The following LAMA4 variants were observed in gnomAD, a reference collection of about 807,000 sequenced individuals.
LAMA4 encodes laminin subunit alpha 4.
In LAMA4, 127 loss-of-function variants were observed where a neutral mutation model predicts 207.1. That is an observed-to-expected ratio of 0.61 (90% CI 0.53 to 0.71). LAMA4 has a LOEUF of 0.71. LAMA4 is among the 30% of genes least tolerant of loss of function. The pLI, the probability that LAMA4 is intolerant of heterozygous loss-of-function variation, is 0.00. For missense variants in LAMA4, 2,093 were observed against 2,246.5 expected, an observed-to-expected ratio of 0.93 and a Z score of 1.38; for synonymous variants, 761 against 816.0, an observed-to-expected ratio of 0.93 and a Z score of 1.15.
chr6:112,175,642 C>A (rs1363880864), intron 10 of LAMA4, among the ~76,000 whole-genome samples, 162 bp from the exon 11 acceptor site: 1 of 152,186 alleles, frequency 6.6e-6, no homozygotes, highest in Non-Finnish European at 1.5e-5. Context: ...TGAATCCCAG[C>A]GAGCATGGAA....
At chr6:112,170,149 C>T (rs374146787) in intron 12 of LAMA4, among the ~76,000 whole-genome samples, 2 of 152,212 alleles carry the variant, frequency 1.3e-5, no homozygotes, top group South Asian at 2.1e-4. Context: ...TGGCTGAGAT[C>T]GAGAACTCAC....
rs1312623015 is a variant in LAMA4, at chr6:112,201,602, G to C, written c.503+6C>G. 2 of 1,610,292 alleles carry C rather than the reference G, an allele frequency of 1.2e-6. No homozygotes were observed. Among genetic ancestry groups the C allele is most frequent in the East Asian group, 2.2e-5 (1 of 44,868 alleles). On this transcript the variant is annotated splice_donor_region_variant and intron_variant, in intron 5 of 38. Transcript: ENST00000230538. ...ACACAGAAAATAGAGAATTTTATTG[G>C]CTTACCTTTCACAGTTAGGTCCAGC...
intron 3 of LAMA4, among the ~76,000 whole-genome samples, chr6:112,210,141 G>GC (rs1784283862): frequency 6.6e-6 from 1 of 151,754 alleles, no homozygotes; most frequent in Non-Finnish European, 1.5e-5. Flanking sequence ...AGCCTGTACA[G>GC]CCCACAGAAG....
At chr6:112,111,666 C>CTTA (rs1161024696) in intron 38 of LAMA4, among the ~76,000 whole-genome samples, 1 of 152,202 alleles carries the variant, frequency 6.6e-6, no homozygotes, top group Non-Finnish European at 1.5e-5. Flanking sequence ...TGGCATAATT[C>CTTA]TTAGATGGAC....
At chr6:112,120,529 T>G in intron 32 of LAMA4, 57 bp from the exon 33 acceptor site, 9 of 1,322,462 alleles carry the variant, frequency 6.8e-6, no homozygotes, top group African/African-American at 1.5e-5. Context: ...GGATAATCTC[T>G]AACTTCTTAA....
Position 112,191,761 on chromosome 6 carries a change from A to G in LAMA4, c.593T>C (p.Ile198Thr), listed in dbSNP as rs1554349151. 1 of 1,614,128 alleles carries G rather than the reference A, an allele frequency of 6.2e-7. No homozygotes were observed. Residue 198 changes from isoleucine to threonine, a missense_variant, in exon 6 of 39, where the codon ATC becomes ACC. Around this residue, in one of 3 missense-constraint regions of LAMA4, gnomAD observed 1,704 missense variants for 1,788.4 expected, o/e 0.95. Coordinates refer to ENST00000230538, the MANE Select transcript of LAMA4 (RefSeq NM_001105206.3). Reference protein sequence around the residue: ...DCSGNSDPNLIFEDCDEVTGQ... With the variant: ...DCSGNSDPNLTFEDCDEVTGQ... ...AGTGACTTCATCACAATCTTCAAAG[A>G]TCAGGTTGGGATCTGAATTTCCACT...
intron 13 of LAMA4, 133 bp downstream of exon 13, chr6:112,165,026 TA>T: frequency 1.3e-6 from 1 of 742,752 alleles, no homozygotes. Context: ...TGCAAGAAAC[TA>T]AAACATTCAG....
intron 12 of LAMA4, chr6:112,171,587 C>A (rs1262628394): frequency 6.5e-6 from 1 of 152,804 alleles, no homozygotes; most frequent in Non-Finnish European, 1.5e-5. Flanking sequence ...AAGGGGGACA[C>A]TTCAAGGGTA....
rs11393305 is a variant in LAMA4, at chr6:112,190,938, T to TCCTTTC, written c.718+697_718+698insGAAAGG. On this transcript the variant is annotated intron_variant, in intron 6 of 38. Transcript: ENST00000230538. ...TTCTTTCTTTCTTTCTTTCTTTCTTTCTTTCTTTCCTTTCTTTCTTTCTTT... is the reference window on the plus strand; with the variant it reads ...TTCTTTCTTTCTTTCTTTCTTTCTTTCCTTTCCTTTCTTTCCTTTCTTTCTTTCTTT... Among the ~76,000 whole-genome samples, 14 of 59,958 alleles carry TCCTTTC rather than the reference T, an allele frequency of 2.3e-4. 1 individual carries two copies. In the South Asian group the frequency reaches 6.5e-3, roughly 28 times the overall value. 39.3% of individuals were successfully genotyped at this position (59,958 alleles called of 152,430 possible).
At chr6:112,220,859 A>T (rs991533953) in intron 2 of LAMA4, among the ~76,000 whole-genome samples, 2 of 152,174 alleles carry the variant, frequency 1.3e-5, no homozygotes, top group Admixed American at 6.5e-5. Context: ...AGTGGGTACC[A>T]ATCTAAGTAA....
chr6:112,233,938 C>T (rs559900823), intron 2 of LAMA4, among the ~76,000 whole-genome samples: 10 of 152,250 alleles, frequency 6.6e-5, no homozygotes, highest in East Asian at 1.9e-4. Flanking sequence ...CACATGGACA[C>T]GCCACCCTCT....
chr6:112,166,888 T>TCAA (rs1291690633), intron 12 of LAMA4, among the ~76,000 whole-genome samples: 1 of 152,060 alleles, frequency 6.6e-6, no homozygotes, highest in African/African-American at 2.4e-5. Flanking sequence ...AGTTCCACGG[T>TCAA]CAACAACAAC....
chr6:112,110,698 A>G (rs1777642740), intron 38 of LAMA4, among the ~76,000 whole-genome samples: 1 of 152,214 alleles, frequency 6.6e-6, no homozygotes, highest in African/African-American at 2.4e-5. Context: ...TATAAGAGGT[A>G]GAAACATCTA....
chr6:112,218,338 T>C (rs1251907579), intron 2 of LAMA4: 5 of 152,222 alleles, frequency 3.3e-5, no homozygotes, highest in South Asian at 2.1e-4. Flanking sequence ...AGAATAACTT[T>C]AGATTTACAG....
At chr6:112,181,243 C>T (rs1782339317) in intron 9 of LAMA4, among the ~76,000 whole-genome samples, 1 of 152,228 alleles carries the variant, frequency 6.6e-6, no homozygotes, top group Admixed American at 6.5e-5. Context: ...AGCAGTGCCC[C>T]TATTGTCAGT....
At chr6:112,250,952 T>C (rs1554189716) in intron 2 of LAMA4, among the ~76,000 whole-genome samples, 1 of 152,194 alleles carries the variant, frequency 6.6e-6, no homozygotes, top group Admixed American at 6.5e-5. Flanking sequence ...GTGGAATGAA[T>C]AGACTTTCTT....
rs781896225 is a variant in LAMA4, at chr6:112,114,124, G to C, written c.5278C>G (p.Pro1760Ala). Residue 1760 changes from proline to alanine, a missense_variant, in exon 38 of 39, where the codon CCA becomes GCA. Physicochemically the swap from Pro to Ala is conservative, Grantham distance 27. Coordinates refer to ENST00000230538, the MANE Select transcript of LAMA4 (RefSeq NM_001105206.3). Reference protein sequence around the residue: ...EVNHVVGPLNPKPIDHREPVF... With the variant: ...EVNHVVGPLNAKPIDHREPVF... ...GGCTCCCTGTGATCAATTGGTTTTG[G>C]ATTCAGGGGTCCAACCACATGGTTC... The C allele has an allele frequency of 1.9e-6, 3 of 1,613,908 alleles. No homozygotes were observed. Among genetic ancestry groups the C allele is most frequent in the Non-Finnish European group, 2.5e-6 (3 of 1,179,862 alleles).
intron 2 of LAMA4, among the ~76,000 whole-genome samples, chr6:112,241,172 A>ATTC (rs1554187633): frequency 4.5e-5 from 4 of 89,396 alleles, no homozygotes; most frequent in African/African-American, 2.2e-4. Context: ...AATATATATG[A>ATTC]ATATATATGA....
chr6:112,142,143 A>G lies in LAMA4; in HGVS notation c.2643T>C (p.Phe881=). ...CGTTTTTGCTTCCGAGGTACAGGAT[A>G]AACTGATCTGCAGTCTCGGTCAGTT... is the stretch of plus-strand genomic sequence containing the variant. The part of the protein sequence containing the change: ...RPELTETADQ[F]ILYLGSKNAK... The change falls in exon 20 of 39, where the codon TTT becomes TTC. Residue 881 remains phenylalanine, a synonymous_variant. Transcript: ENST00000230538. 1 of 1,614,094 alleles carries G rather than the reference A, an allele frequency of 6.2e-7. No individual in the cohort carries two copies. The highest frequency in any genetic ancestry group is 8.5e-7 in the Non-Finnish European group (1 of 1,179,980).
Sources: allele counts gnomAD v4.1 joint callset (sites outside exome capture counted in the v4.1 genomes callset), GRCh38; gene constraint gnomAD v4.1.1; regional missense constraint gnomAD v4.1.1; transcripts MANE v1.5; gene names NCBI Gene and HGNC (gene_info 2026-07-23, HGNC 2026-07-21).